The following MARF1 variants were observed in gnomAD, a reference collection of about 807,000 sequenced individuals.
The protein encoded by MARF1 is limkain-b1.
A neutral mutation model predicts 168.2 loss-of-function variants in MARF1; 24 were observed. That is an observed-to-expected ratio of 0.14 (90% CI 0.10 to 0.20). MARF1 has a LOEUF of 0.20. MARF1 is among the 10% of genes least tolerant of loss of function. MARF1 has a pLI of 1.00. For missense variants in MARF1, 1,744 were observed against 2,143.6 expected, an observed-to-expected ratio of 0.81 and a Z score of 3.68; for synonymous variants, 868 against 822.4, an observed-to-expected ratio of 1.06 and a Z score of -0.95.
At chr16:15,626,663 T>TA (rs945035581) in intron 7 of MARF1, among the ~76,000 whole-genome samples, 31 of 152,092 alleles carry the variant, frequency 2.0e-4, no homozygotes, top group Admixed American at 1.1e-3. Context: ...ATTTATGTAT[T>TA]AAGAAGTAGA....
intron 11 of MARF1, among the ~76,000 whole-genome samples, chr16:15,622,543 C>T (rs2151194144): frequency 6.6e-6 from 1 of 152,278 alleles, no homozygotes; most frequent in South Asian, 2.1e-4. Context: ...AGGCGTGCAC[C>T]ACCACGCCCG....
chr16:15,604,028 G>A, intron 22 of MARF1, 140 bp downstream of exon 22: 2 of 668,144 alleles, frequency 3.0e-6, no homozygotes, highest in South Asian at 3.8e-5. Flanking sequence ...CACTGCCTGA[G>A]GTCTCGGCGT....
chr16:15,630,639 G>C, intron 6 of MARF1, 135 bp from the exon 7 acceptor site: 1 of 658,492 alleles, frequency 1.5e-6, no homozygotes, highest in Non-Finnish European at 2.3e-6. Context: ...CCGTTTCTTA[G>C]GAAAGAAACA....
intron 1 of MARF1, among the ~76,000 whole-genome samples, chr16:15,640,435 G>A (rs1680428249): frequency 6.6e-6 from 1 of 152,204 alleles, no homozygotes; most frequent in African/African-American, 2.4e-5. Context: ...GAGGCACCGT[G>A]GCTCAGGCCT....
At chr16:15,621,371 G>A (rs2034449628) in intron 12 of MARF1, 1 of 222,400 alleles carries the variant, frequency 4.5e-6, no homozygotes, top group African/African-American at 2.3e-5. Flanking sequence ...TTGAAGATTT[G>A]TAGATCTAGT....
At position 15,621,842 on chromosome 16, in the gene MARF1, G is replaced by T; in HGVS notation, c.2530C>A (p.Gln844Lys). The change falls in exon 12 of 27, where the codon CAA becomes AAA. Residue 844 changes from glutamine (Q) to lysine (K), a missense_variant. Gln to Lys is a moderately conservative substitution (Grantham distance 53, BLOSUM62 1). Coordinates refer to ENST00000396368, the MANE Select transcript of MARF1 (RefSeq NM_014647.4). ...LKAVVQMENL[Q>K]DAIGAVNSLH... Reference sequence around the variant, plus strand: ...CTATTCACTGCACCGATCGCATCTTGTAAGTTTTCCATTTGCACAACAGCC... The same window carrying T: ...CTATTCACTGCACCGATCGCATCTTTTAAGTTTTCCATTTGCACAACAGCC... The T allele has an allele frequency of 1.9e-6, 3 of 1,614,148 alleles. No individual in the cohort carries two copies. The highest frequency in any genetic ancestry group is 1.3e-5 in the African/African-American group (1 of 75,036).
rs2031585449 is a variant in MARF1 at position 15,595,460 on chromosome 16, A to G, written c.*1233T>C. The G allele has an allele frequency of 6.6e-6, 1 of 152,572 alleles. No homozygotes were observed. The highest frequency in any genetic ancestry group is 6.6e-5 in the Admixed American group (1 of 15,262). 9.5% of individuals were successfully genotyped at this position (152,572 alleles called of 1,614,324 possible). ...TGAATCCGCCTTTTTTGCCGGACAA[A>G]TACAATCCATTGTAAATGTCAGGTT... On this transcript the variant is annotated 3_prime_UTR_variant, in exon 27 of 27. Coordinates refer to ENST00000396368, the MANE Select transcript of MARF1 (RefSeq NM_014647.4).
rs2035569832 is a variant in MARF1, at chr16:15,636,004, C to T, written c.483G>A (p.Gln161=). The change falls in exon 3 of 27, where the codon CAG becomes CAA. Residue 161 remains glutamine, a synonymous_variant. Coordinates refer to ENST00000396368, the MANE Select transcript of MARF1 (RefSeq NM_014647.4). Reference sequence around the variant, plus strand: ...CCAAATTGTTCCTAGCTGAGGCATTCTGGAGTGAAGATGCAGACTGGAAAG... The same window carrying T: ...CCAAATTGTTCCTAGCTGAGGCATTTTGGAGTGAAGATGCAGACTGGAAAG... The part of the protein sequence containing the change: ...GFAFQSASSL[Q]NASARNNLAG... 4.3e-6 allele frequency: 7 copies of T among 1,614,070 alleles called. No individual in the cohort carries two copies. The highest frequency in any genetic ancestry group is 5.9e-6 in the Non-Finnish European group (7 of 1,180,040).
chr16:15,597,333 G>A (rs1384533421), intron 26 of MARF1, among the ~76,000 whole-genome samples: 6 of 152,352 alleles, frequency 3.9e-5, no homozygotes, highest in South Asian at 4.1e-4. Context: ...TAGGGGGTGG[G>A]GTCGGAGCAT....
At chr16:15,602,541 C>T (rs762999506) in intron 22 of MARF1, 41 of 458,678 alleles carry the variant, frequency 8.9e-5, no homozygotes, top group South Asian at 5.8e-4. Flanking sequence ...ATAAAGAAGA[C>T]GAAGACGACG....
chr16:15,602,141 C>T lies in MARF1; in HGVS notation c.4476G>A (p.Lys1492=). The change falls in exon 23 of 27, where the codon AAG becomes AAA. Residue 1492 remains lysine, a synonymous_variant. Transcript: ENST00000396368. ...AAGTATGAAGTAAAGACCGCACATT[C>T]TTTGCAAACAAATACAGACTTGTGA... ...VKLTSLYLFA[K]NVRSLLHTYH... is the part of the protein sequence containing the mutation. 1 of 1,614,190 alleles carries T rather than the reference C, an allele frequency of 6.2e-7. No individual in the cohort carries two copies. Among genetic ancestry groups the T allele is most frequent in the Non-Finnish European group, 8.5e-7 (1 of 1,180,026 alleles).
intron 22 of MARF1, 25 bp from the exon 23 acceptor site, chr16:15,602,228 T>G: frequency 6.3e-7 from 1 of 1,590,686 alleles, no homozygotes. Context: ...AACGCAGCAT[T>G]AGAAATATTA....
chr16:15,634,731 A>G, intron 4 of MARF1, 26 bp downstream of exon 4: 1 of 1,598,198 alleles, frequency 6.3e-7, no homozygotes, highest in South Asian at 1.1e-5. Context: ...TTAAATATGC[A>G]CATTTTATGC....
At chr16:15,636,815 G>A (rs889443299) in intron 2 of MARF1, among the ~76,000 whole-genome samples, 2 of 152,116 alleles carry the variant, frequency 1.3e-5, no homozygotes, top group Non-Finnish European at 2.9e-5. Flanking sequence ...ATCCCCCAAA[G>A]GAAAAGAGTA....
intron 2 of MARF1, among the ~76,000 whole-genome samples, chr16:15,638,852 T>C (rs937550307): frequency 6.6e-6 from 1 of 152,230 alleles, no homozygotes; most frequent in Non-Finnish European, 1.5e-5. Flanking sequence ...AAGAAATCTT[T>C]CCCAAATTTT....
chr16:15,608,351 G>C lies in MARF1; in HGVS notation c.4122C>G (p.Leu1374=), dbSNP rs199568691. 1,304 of 1,613,774 alleles carry C rather than the reference G, an allele frequency of 8.1e-4. 15 individuals carry two copies. The highest frequency in any genetic ancestry group is 2.5e-4 in the Non-Finnish European group (298 of 1,179,950). ...YAKTFGYTFR[L]QDYDVSSISA... ...AAATGGAACTGACATCATAGTCTTG[G>C]AGACGAAATGTATAACCAAAAGTTT... The change falls in exon 21 of 27, where the codon CTC becomes CTG. Residue 1374 remains leucine (L), a synonymous_variant. Transcript: ENST00000396368.
At chr16:15,639,525 A>G (rs1252192468) in intron 1 of MARF1, among the ~76,000 whole-genome samples, 1 of 152,006 alleles carries the variant, frequency 6.6e-6, no homozygotes, top group African/African-American at 2.4e-5. Context: ...CTCAGCCTCC[A>G]GAGTAGCTGG....
chr16:15,629,733 G>A (rs745501642), intron 7 of MARF1, among the ~76,000 whole-genome samples: 9 of 152,130 alleles, frequency 5.9e-5, no homozygotes, highest in Non-Finnish European at 1.0e-4. Context: ...CCCAAGTCAA[G>A]TCTATCAGAA....
In MARF1 at chr16:15,631,659, G is replaced by C. The variant is rs139595517; in HGVS notation, c.1234-161C>G. 4.7e-3 allele frequency among the ~76,000 whole-genome samples: 713 copies of C among 152,230 alleles called. 3 individuals carry two copies. Among genetic ancestry groups the C allele is most frequent in the Admixed American group, 8.6e-3 (131 of 15,294 alleles). On this transcript the variant is annotated intron_variant, in intron 5 of 26. Coordinates refer to ENST00000396368, the MANE Select transcript of MARF1 (RefSeq NM_014647.4). ...TGTTACATAGGTATACATGTGCCGT[G>C]GTGGTTTGCTGCACCTATCAACCCA...
Sources: allele counts gnomAD v4.1 joint callset (sites outside exome capture counted in the v4.1 genomes callset), GRCh38; gene constraint gnomAD v4.1.1; transcripts MANE v1.5; gene names NCBI Gene and HGNC (gene_info 2026-07-23, HGNC 2026-07-21).